The following MS4A13 variants were observed in gnomAD, a reference collection of about 807,000 sequenced individuals.
MS4A13 encodes membrane-spanning 4-domains subfamily A member 13.
Under a neutral mutation model 18.4 loss-of-function variants are expected in MS4A13, and 21 were observed. That is an observed-to-expected ratio of 1.14 (90% CI 0.81 to 1.64). The LOEUF (loss-of-function observed/expected upper bound fraction) is 1.64, where lower values mean the gene tolerates loss of function less well. Ranked by LOEUF, MS4A13 falls within the 40% of genes most tolerant of loss-of-function variation. MS4A13 has a pLI of 0.00. For synonymous variants in MS4A13, 62 were observed against 57.2 expected, an observed-to-expected ratio of 1.08 and a Z score of -0.38; for missense variants, 173 against 176.8, an observed-to-expected ratio of 0.98 and a Z score of 0.12.
At chr11:60,524,589 T>A (rs1174177537) in intron 4 of MS4A13, among the ~76,000 whole-genome samples, 1 of 152,054 alleles carries the variant, frequency 6.6e-6, no homozygotes, top group Admixed American at 6.6e-5. Flanking sequence ...TTTCTTACAG[T>A]GGAACCACTT....
At chr11:60,525,130 T>C (rs898992023) in intron 4 of MS4A13, 77 bp from the exon 5 acceptor site, 1 of 1,107,490 alleles carries the variant, frequency 9.0e-7, no homozygotes. Context: ...ACTAGATGAG[T>C]TTTTTCAGCA....
intron 4 of MS4A13, among the ~76,000 whole-genome samples, chr11:60,524,696 T>C (rs2086700923): frequency 6.9e-6 from 1 of 145,254 alleles, no homozygotes; most frequent in Admixed American, 7.1e-5. Flanking sequence ...GGAGTCTCTC[T>C]CTCTCACCCA....
At chr11:60,521,033 G>A (rs571945906) in intron 3 of MS4A13, among the ~76,000 whole-genome samples, 1 of 152,346 alleles carries the variant, frequency 6.6e-6, no homozygotes, top group East Asian at 1.9e-4. Flanking sequence ...AAGGCTTGGG[G>A]CTCGCACCCT....
At position 60,527,703 on chromosome 11, in the gene MS4A13, G is replaced by A. The variant is rs564479438; in HGVS notation, c.307-1662G>A. 1.4e-4 allele frequency among the ~76,000 whole-genome samples: 22 copies of A among 152,098 alleles called. No homozygotes were observed. In the East Asian group the frequency reaches 3.9e-3, roughly 27 times the overall value. ...ATACAAAAGTTAGCTGGGCATGGCG[G>A]TGGGCACCTGTAATCCCAGCTACTC... is the stretch of plus-strand genomic sequence containing the variant. On this transcript the variant is annotated intron_variant, in intron 5 of 6. Coordinates refer to ENST00000378186, the MANE Select transcript of MS4A13 (RefSeq NM_001012417.3).
chr11:60,532,503 C>A (rs889380163), intron 6 of MS4A13, among the ~76,000 whole-genome samples: 2 of 152,260 alleles, frequency 1.3e-5, no homozygotes, highest in Non-Finnish European at 2.9e-5. Context: ...ATATCCCACA[C>A]CTGGCTCAGA....
chr11:60,532,178 C>G (rs551121930), intron 6 of MS4A13, among the ~76,000 whole-genome samples: 1 of 152,282 alleles, frequency 6.6e-6, no homozygotes, highest in South Asian at 2.1e-4. Context: ...GCCAAGATGG[C>G]CGAATAGGAA....
rs71470094 is a variant in MS4A13, at chr11:60,538,585, TAA to T, written c.403-3924_403-3923del. Among the ~76,000 whole-genome samples the T allele has an allele frequency of 3.9e-4, 58 of 150,020 alleles. No homozygotes were observed. The South Asian group carries it at 4.4e-3, about 11-fold the overall frequency. On this transcript the variant is annotated intron_variant, in intron 6 of 6. Transcript: ENST00000378186. ...AAAATAAAATTTTAAGAAATAAAAA[TAA>T]AAAAAAAAATTGCAGGGACAGTACA...
intron 3 of MS4A13, among the ~76,000 whole-genome samples, chr11:60,519,788 A>G (rs542057948): frequency 6.6e-6 from 1 of 152,334 alleles, no homozygotes; most frequent in Non-Finnish European, 1.5e-5. Context: ...ATGGTTGGCC[A>G]TGAAATTTAA....
intron 6 of MS4A13, 125 bp from the exon 7 acceptor site, chr11:60,542,394 G>T (rs1378919356): frequency 2.0e-6 from 1 of 503,572 alleles, no homozygotes. Flanking sequence ...ACAGAAATAG[G>T]ATACTTTAAG....
chr11:60,521,152 C>A (rs1240092495), intron 3 of MS4A13, among the ~76,000 whole-genome samples: 1 of 152,206 alleles, frequency 6.6e-6, no homozygotes, highest in Non-Finnish European at 1.5e-5. Flanking sequence ...GGCCCTGGGC[C>A]CGGCCCATGA....
At chr11:60,526,950 G>A (rs2086717636) in intron 5 of MS4A13, among the ~76,000 whole-genome samples, 1 of 152,172 alleles carries the variant, frequency 6.6e-6, no homozygotes, top group Non-Finnish European at 1.5e-5. Flanking sequence ...GAGAAATGAA[G>A]AAAATGCCTG....
At chr11:60,540,544 G>A (rs2086848721) in intron 6 of MS4A13, among the ~76,000 whole-genome samples, 1 of 152,150 alleles carries the variant, frequency 6.6e-6, no homozygotes, top group Non-Finnish European at 1.5e-5. Context: ...GAAGTAGACT[G>A]TGATAAATTA....
intron 2 of MS4A13, among the ~76,000 whole-genome samples, chr11:60,517,739 A>C (rs2086646533): frequency 6.6e-6 from 1 of 152,200 alleles, no homozygotes; most frequent in South Asian, 2.1e-4. Flanking sequence ...TTTTCTCTGA[A>C]GTAACCCCAA....
chr11:60,538,112 G>A (rs952458188), intron 6 of MS4A13, among the ~76,000 whole-genome samples: 1 of 147,728 alleles, frequency 6.8e-6, no homozygotes, highest in Non-Finnish European at 1.5e-5. Flanking sequence ...CACCAGCATG[G>A]CACATGTATA....
At chr11:60,525,993 C>G (rs2086710871) in intron 5 of MS4A13, among the ~76,000 whole-genome samples, 1 of 149,152 alleles carries the variant, frequency 6.7e-6, no homozygotes, top group Non-Finnish European at 1.5e-5. Context: ...AGTGAAACAC[C>G]TTGTCTGACC....
In MS4A13 at chr11:60,515,424, G is replaced by C. The variant is rs1442970675; in HGVS notation, c.-312G>C. On this transcript the variant is annotated 5_prime_UTR_variant, in exon 1 of 7. Transcript: ENST00000378186. ...CCTGAGGAGCCTGAGAGCCGGCCGG[G>C]TGCTGGGCTCCTGGCTATCCCTGTG... is the stretch of plus-strand genomic sequence containing the variant. 1 of 152,318 alleles carries C rather than the reference G, an allele frequency of 6.6e-6. No individual in the cohort carries two copies. Among genetic ancestry groups the C allele is most frequent in the Non-Finnish European group, 1.5e-5 (1 of 68,094 alleles). 9.4% of individuals were successfully genotyped at this position (152,318 alleles called of 1,614,324 possible).
chr11:60,519,713 G>A (rs1036580461), intron 3 of MS4A13, among the ~76,000 whole-genome samples: 6 of 152,190 alleles, frequency 3.9e-5, no homozygotes, highest in African/African-American at 1.4e-4. Context: ...TTGTTTAGCT[G>A]TGCAACTATA....
intron 5 of MS4A13, among the ~76,000 whole-genome samples, chr11:60,527,410 C>CTGTGTG (rs1224398821): frequency 0.038 from 1,090 of 28,648 alleles, 57 homozygotes; most frequent in South Asian, 0.046. Flanking sequence ...CTCTCTCTCT[C>CTGTGTG]TGTGTGTGTG....
At chr11:60,525,086 C>A in intron 4 of MS4A13, 121 bp from the exon 5 acceptor site, 1 of 672,160 alleles carries the variant, frequency 1.5e-6, no homozygotes. Context: ...ATATTTAATA[C>A]TTCTAAGACT....
Sources: allele counts gnomAD v4.1 joint callset (sites outside exome capture counted in the v4.1 genomes callset), GRCh38; gene constraint gnomAD v4.1.1; transcripts MANE v1.5; gene names NCBI Gene and HGNC (gene_info 2026-07-23, HGNC 2026-07-21).